Variants in LRP12 observed in about 807,000 individuals in gnomAD.
LRP12 encodes low-density lipoprotein receptor-related protein 12.
Under a neutral mutation model 66.0 loss-of-function variants are expected in LRP12, and 14 were observed. The observed-to-expected ratio is 0.21, with a 90% CI of 0.14 to 0.33. The LOEUF is 0.33. LRP12 is among the 10% of genes least tolerant of loss of function. The pLI is 1.00. For missense variants in LRP12, 889 were observed against 1,053.4 expected, an observed-to-expected ratio of 0.84 and a Z score of 2.16; for synonymous variants, 357 against 359.1, an observed-to-expected ratio of 0.99 and a Z score of 0.07.
chr8:104,561,774 TC>T (rs1267092255), intron 1 of LRP12, among the ~76,000 whole-genome samples: 3 of 152,086 alleles, frequency 2.0e-5, no homozygotes, highest in Non-Finnish European at 4.4e-5. Context: ...TCACTGGGAG[TC>T]CCCTTTTTAT....
intron 1 of LRP12, among the ~76,000 whole-genome samples, chr8:104,586,165 AC>A (rs988581755): frequency 2.0e-5 from 3 of 152,194 alleles, no homozygotes. Context: ...CTTCTAGAAA[AC>A]ATTATATTCT....
Position 104,548,133 on chromosome 8 carries a change from AATT to A in LRP12, c.80-16173_80-16171del, listed in dbSNP as rs1345389486. 5.5e-3 allele frequency among the ~76,000 whole-genome samples: 515 copies of A among 93,862 alleles called. 10 individuals are homozygous for A. The highest frequency in any genetic ancestry group is 0.026 in the African/African-American group (462 of 17,652). The allele number at this position is 93,862 out of a possible 152,430, so 61.6% of individuals were successfully genotyped here. The stretch of plus-strand genomic sequence containing the variant: ...ATATTATATTTTGTATATAATATAT[AATT>A]ATAATTATATTATATATTAATAATT... On this transcript the variant is annotated intron_variant, in intron 1 of 6. Coordinates refer to ENST00000276654, the MANE Select transcript of LRP12 (RefSeq NM_013437.5).
chr8:104,542,296 A>C (rs775290008), intron 1 of LRP12, among the ~76,000 whole-genome samples: 6 of 152,138 alleles, frequency 3.9e-5, no homozygotes, highest in Non-Finnish European at 8.8e-5. Context: ...TATTCTTTGG[A>C]GAAACGTCCT....
intron 2 of LRP12, among the ~76,000 whole-genome samples, chr8:104,526,465 T>C (rs1400433644): frequency 6.6e-6 from 1 of 151,126 alleles, no homozygotes; most frequent in East Asian, 1.9e-4. Context: ...AATAGCATGG[T>C]ACTGGTACCA....
At chr8:104,565,121 A>G (rs1811978351) in intron 1 of LRP12, among the ~76,000 whole-genome samples, 1 of 152,198 alleles carries the variant, frequency 6.6e-6, no homozygotes, top group Non-Finnish European at 1.5e-5. Context: ...TGAAACCTTC[A>G]GGATAAAATG....
chr8:104,493,488 T>C (rs1450729822), intron 6 of LRP12, among the ~76,000 whole-genome samples: 2 of 152,024 alleles, frequency 1.3e-5, no homozygotes, highest in Non-Finnish European at 2.9e-5. Context: ...CCAAAGCCTC[T>C]GTCCTTGGCT....
chr8:104,498,070 G>C lies in LRP12; in HGVS notation c.482C>G (p.Ser161Cys). Residue 161 changes from serine (S) to cysteine (C), a missense_variant, in exon 5 of 7, where the codon TCT (serine) becomes TGT (cysteine). Transcript: ENST00000276654. ...GFRLAYFSGK[S>C]EEPNCACDQF... ...ATCACAAGCACAATTTGGTTCCTCA[G>C]ATTTCCCTGTGAAGATGTGAGTAGA... is the stretch of plus-strand genomic sequence containing the variant. 1 of 1,587,022 alleles carries C rather than the reference G, an allele frequency of 6.3e-7. No individual in the cohort carries two copies. The highest frequency in any genetic ancestry group is 2.2e-5 in the East Asian group (1 of 44,620).
rs759718103 is a variant in LRP12 at position 104,588,961 on chromosome 8, ACGACGCCGACGCCGCCGC to A, written c.-82_-65del. The A allele has an allele frequency of 4.3e-5, 42 of 972,306 alleles. No individual in the cohort carries two copies. In the African/African-American group the frequency reaches 9.9e-4, roughly 23 times the overall value. 60.2% of individuals were successfully genotyped at this position (972,306 alleles called of 1,614,324 possible). On this transcript the variant is annotated 5_prime_UTR_variant, in exon 1 of 7. Coordinates refer to ENST00000276654, the MANE Select transcript of LRP12 (RefSeq NM_013437.5). ...AGGAGGGAGGAGAAGCTGGAGGTAG[ACGACGCCGACGCCGCCGC>A]CGCCGCCGCCGCCGCCGCCGAGCCA...
intron 1 of LRP12, among the ~76,000 whole-genome samples, chr8:104,548,282 ATATATCATATATT>A (rs1564142014): frequency 0.01 from 873 of 86,200 alleles, 61 homozygotes; most frequent in African/African-American, 0.046. Context: ...TATTATATTA[ATATATCATATATT>A]TATATAATAT....
intron 1 of LRP12, among the ~76,000 whole-genome samples, chr8:104,547,397 T>A (rs1811593250): frequency 7.3e-6 from 1 of 136,142 alleles, no homozygotes; most frequent in Admixed American, 7.7e-5. Flanking sequence ...GTATATAATA[T>A]ACAATTCTGT....
rs1356856436 is a variant in LRP12, at chr8:104,589,210, C to T, written c.-313G>A. ...AGACGAGAGGGTGGCGGACGCCGGA[C>T]TCCGGCCTCGCGCCGCTCGGGCTAG... On this transcript the variant is annotated 5_prime_UTR_variant, in exon 1 of 7. Coordinates refer to ENST00000276654, the MANE Select transcript of LRP12 (RefSeq NM_013437.5). Among the ~76,000 whole-genome samples the T allele has an allele frequency of 4.6e-5, 7 of 151,622 alleles. No individual in the cohort carries two copies. The highest frequency in any genetic ancestry group is 4.6e-4 in the Admixed American group (7 of 15,252).
At chr8:104,516,982 G>T (rs1392481495) in intron 2 of LRP12, among the ~76,000 whole-genome samples, 1 of 151,792 alleles carries the variant, frequency 6.6e-6, no homozygotes, top group Non-Finnish European at 1.5e-5. Context: ...AAAGTTATGT[G>T]AAATCTTTGA....
Position 104,548,336 on chromosome 8 carries a change from TAAA to T in LRP12, c.80-16376_80-16374del, listed in dbSNP as rs1244720095. On this transcript the variant is annotated intron_variant, in intron 1 of 6. Coordinates refer to ENST00000276654, the MANE Select transcript of LRP12 (RefSeq NM_013437.5). ...ATATAAATATATAATATATATTATA[TAAA>T]TATATAAATATATAATATATATTAT... Among the ~76,000 whole-genome samples, 43 of 8,390 alleles carry T rather than the reference TAAA, an allele frequency of 5.1e-3. No homozygotes were observed. The African/African-American group carries it at 0.056, about 11-fold the overall frequency. The allele number at this position is 8,390 out of a possible 152,430, so 5.5% of individuals were successfully genotyped here.
intron 1 of LRP12, among the ~76,000 whole-genome samples, chr8:104,548,505 CTA>C (rs1212150025): frequency 8.5e-6 from 1 of 117,944 alleles, no homozygotes; most frequent in African/African-American, 3.4e-5. Flanking sequence ...ATATATAATT[CTA>C]TATTATATTT....
rs1176039952 is a variant in LRP12 at position 104,502,912 on chromosome 8, G to A, written c.273-3393C>T. Among the ~76,000 whole-genome samples the A allele has an allele frequency of 3.9e-5, 6 of 152,224 alleles. No homozygotes were observed. In the East Asian group the frequency reaches 1.2e-3, roughly 30 times the overall value. ...AGATTCATGAAGGCAAAGGCTGGGA[G>A]AGGTGGCTCACGCCGTAATCCCAGA... On this transcript the variant is annotated intron_variant, in intron 3 of 6. Coordinates refer to ENST00000276654, the MANE Select transcript of LRP12 (RefSeq NM_013437.5).
At chr8:104,493,632 G>C (rs1437211350) in intron 6 of LRP12, among the ~76,000 whole-genome samples, 1 of 152,190 alleles carries the variant, frequency 6.6e-6, no homozygotes, top group Non-Finnish European at 1.5e-5. Flanking sequence ...TGTCATGTAG[G>C]GTGAGGGCTT....
At chr8:104,554,751 C>T (rs192149476) in intron 1 of LRP12, among the ~76,000 whole-genome samples, 7 of 152,102 alleles carry the variant, frequency 4.6e-5, no homozygotes, top group East Asian at 1.9e-4. Flanking sequence ...GAGATCTAGA[C>T]GTTGAAATAC....
At chr8:104,496,805 CCTT>C (rs1172209544) in intron 5 of LRP12, among the ~76,000 whole-genome samples, 164 bp downstream of exon 5, 1 of 152,088 alleles carries the variant, frequency 6.6e-6, no homozygotes, top group Non-Finnish European at 1.5e-5. Context: ...ATGTGTCTGG[CCTT>C]CTGAGTCTCG....
chr8:104,588,075 A>G (rs961229429), intron 1 of LRP12, among the ~76,000 whole-genome samples: 3 of 152,360 alleles, frequency 2.0e-5, no homozygotes, highest in Admixed American at 2.0e-4. Context: ...AGTTATCTCT[A>G]ACCCGATCCA....
Sources: allele counts gnomAD v4.1 joint callset (sites outside exome capture counted in the v4.1 genomes callset), GRCh38; gene constraint gnomAD v4.1.1; transcripts MANE v1.5; gene names NCBI Gene and HGNC (gene_info 2026-07-23, HGNC 2026-07-21).